Variants in SYNJ2BP observed in about 807,000 individuals in gnomAD.
The protein encoded by SYNJ2BP is synaptojanin 2 binding protein.
SYNJ2BP carries 10 observed loss-of-function variants against 16.9 expected under a neutral mutation model. The observed-to-expected ratio is 0.59, with a 90% CI of 0.36 to 1.00. SYNJ2BP has a LOEUF of 1.00. SYNJ2BP is among the 50% of genes least tolerant of loss of function. SYNJ2BP has a pLI of 0.01. For synonymous variants in SYNJ2BP, 54 were observed against 68.4 expected, an observed-to-expected ratio of 0.79 and a Z score of 1.04; for missense variants, 162 against 186.7, an observed-to-expected ratio of 0.87 and a Z score of 0.77.
intron 2 of SYNJ2BP, among the ~76,000 whole-genome samples, chr14:70,384,937 T>A (rs544423790): frequency 8.5e-5 from 13 of 152,188 alleles, no homozygotes; most frequent in African/African-American, 3.1e-4. Context: ...GCCCCTGATA[T>A]GTCTTCTATC....
rs1887504149 is a variant in SYNJ2BP, at chr14:70,370,878, A to G, written c.*2113T>C. 1 of 152,198 alleles carries G rather than the reference A, an allele frequency of 6.6e-6. No homozygotes were observed. The highest frequency in any genetic ancestry group is 2.4e-5 in the African/African-American group (1 of 41,436). 9.4% of individuals were successfully genotyped at this position (152,198 alleles called of 1,614,324 possible). A position where few individuals can be genotyped will look rare whatever the true frequency, so the allele number is the denominator to read the frequency against. On this transcript the variant is annotated 3_prime_UTR_variant, in exon 4 of 4. Transcript: ENST00000256366. Reference sequence around the variant, plus strand: ...ACTTTTCTCTTTTGCTGTCTGTAATATAAACATGACCCCTACTTACACTGT... The same window carrying G: ...ACTTTTCTCTTTTGCTGTCTGTAATGTAAACATGACCCCTACTTACACTGT...
chr14:70,388,796 T>G (rs1047041610), intron 1 of SYNJ2BP, among the ~76,000 whole-genome samples, 190 bp from the exon 2 acceptor site: 12 of 152,122 alleles, frequency 7.9e-5, no homozygotes, highest in African/African-American at 2.9e-4. Context: ...GAGTATTGAG[T>G]TGCTCACTCA....
chr14:70,376,575 G>A (rs989507506), intron 2 of SYNJ2BP, among the ~76,000 whole-genome samples: 8 of 152,216 alleles, frequency 5.3e-5, no homozygotes, highest in Non-Finnish European at 1.2e-4. Context: ...ACTTGTCAAT[G>A]TCATCGTTAA....
At chr14:70,389,342 A>G (rs138611450) in intron 1 of SYNJ2BP, among the ~76,000 whole-genome samples, 1 of 148,766 alleles carries the variant, frequency 6.7e-6, no homozygotes, top group Admixed American at 6.7e-5. Context: ...TTTATGTATG[A>G]TAGTGCTTTA....
At chr14:70,385,809 T>A (rs974124024) in intron 2 of SYNJ2BP, among the ~76,000 whole-genome samples, 3 of 152,180 alleles carry the variant, frequency 2.0e-5, no homozygotes, top group Non-Finnish European at 2.9e-5. Context: ...TATAACATAG[T>A]GGTTTAAAAA....
chr14:70,378,313 AC>A (rs34049573), intron 2 of SYNJ2BP, among the ~76,000 whole-genome samples: 117,935 of 151,932 alleles, frequency 0.78, 45,866 homozygotes, highest in East Asian at 0.93. Flanking sequence ...GGATGCCTAC[AC>A]CTGTATACTC....
At chr14:70,379,037 C>T (rs1192574327) in intron 2 of SYNJ2BP, among the ~76,000 whole-genome samples, 1 of 116,070 alleles carries the variant, frequency 8.6e-6, no homozygotes, top group African/African-American at 3.3e-5. Flanking sequence ...ATATTAAAGC[C>T]CTCAAAATCA....
rs1887483917 is a variant in SYNJ2BP, at chr14:70,370,017, C to T, written c.*2974G>A. On this transcript the variant is annotated 3_prime_UTR_variant, in exon 4 of 4. Coordinates refer to ENST00000256366, the MANE Select transcript of SYNJ2BP (RefSeq NM_018373.3). ...CTATAATTTTAGTTTTCTATAGAAT[C>T]AATAATATAATTAGTGTACCTGCTT... 6.6e-6 allele frequency: 1 copy of T among 152,104 alleles called. No homozygotes were observed. Among genetic ancestry groups the T allele is most frequent in the African/African-American group, 2.4e-5 (1 of 41,416 alleles). The allele number at this position is 152,104 out of a possible 1,614,324, so 9.4% of individuals were successfully genotyped here.
chr14:70,376,782 A>G (rs1350716062), intron 2 of SYNJ2BP, among the ~76,000 whole-genome samples: 2 of 152,222 alleles, frequency 1.3e-5, no homozygotes, highest in Non-Finnish European at 2.9e-5. Context: ...TGAAAGAAAG[A>G]TCAAAGTGTC....
In SYNJ2BP at chr14:70,367,924, T is replaced by A. The variant is rs1052395096; in HGVS notation, c.*5067A>T. ...CTCTCTATCTTCGGCACCTAGCACA[T>A]AGTAGGCAGTCATTAGTTATTTGCT... On this transcript the variant is annotated 3_prime_UTR_variant, in exon 4 of 4. Coordinates refer to ENST00000256366, the MANE Select transcript of SYNJ2BP (RefSeq NM_018373.3). 5 of 152,154 alleles carry A rather than the reference T, an allele frequency of 3.3e-5. No homozygotes were observed. Among genetic ancestry groups the A allele is most frequent in the African/African-American group, 1.2e-4 (5 of 41,420 alleles). 9.4% of individuals were successfully genotyped at this position (152,154 alleles called of 1,614,324 possible).
chr14:70,387,848 G>C (rs561592372), intron 2 of SYNJ2BP, among the ~76,000 whole-genome samples: 1 of 145,896 alleles, frequency 6.9e-6, no homozygotes, highest in East Asian at 2.0e-4. Context: ...AAAAAAAAAG[G>C]ATCTTTTCAC....
intron 1 of SYNJ2BP, among the ~76,000 whole-genome samples, chr14:70,395,025 A>G (rs531695650): frequency 1.4e-4 from 22 of 152,320 alleles, no homozygotes; most frequent in African/African-American, 5.3e-4. Context: ...TTTAAGAAAA[A>G]AAGTCTTCTA....
At position 70,368,060 on chromosome 14, in the gene SYNJ2BP, A is replaced by G. The variant is rs1421126977; in HGVS notation, c.*4931T>C. 6.6e-6 allele frequency: 1 copy of G among 151,976 alleles called. No individual in the cohort carries two copies. Among genetic ancestry groups the G allele is most frequent in the Admixed American group, 6.6e-5 (1 of 15,244 alleles). The allele number at this position is 151,976 out of a possible 1,614,324, so 9.4% of individuals were successfully genotyped here. A position where few individuals can be genotyped will look rare whatever the true frequency, so the allele number is the denominator to read the frequency against. On this transcript the variant is annotated 3_prime_UTR_variant, in exon 4 of 4. Coordinates refer to ENST00000256366, the MANE Select transcript of SYNJ2BP (RefSeq NM_018373.3). ...AACTACATGAACTTCACTTCCCCAC[A>G]TACCTGACAGCCTATACACTTCCTT...
chr14:70,373,262 A>T, intron 3 of SYNJ2BP, 131 bp from the exon 4 acceptor site: 2 of 1,192,236 alleles, frequency 1.7e-6, no homozygotes, highest in Non-Finnish European at 2.3e-6. Flanking sequence ...AATACCTAGC[A>T]GAAGGAGTCC....
chr14:70,409,721 C>T (rs1407002891), intron 1 of SYNJ2BP, among the ~76,000 whole-genome samples: 1 of 152,212 alleles, frequency 6.6e-6, no homozygotes, highest in Non-Finnish European at 1.5e-5. Flanking sequence ...TGTGTCCATC[C>T]TCATTCTCTC....
chr14:70,375,188 T>C (rs1332862875), intron 3 of SYNJ2BP, among the ~76,000 whole-genome samples: 2 of 144,856 alleles, frequency 1.4e-5, no homozygotes, highest in South Asian at 2.2e-4. Context: ...GAATTTCTCT[T>C]TTTTTTCTCT....
In SYNJ2BP at chr14:70,369,967, CCT is replaced by C. The variant is rs1887482982; in HGVS notation, c.*3022_*3023del. The C allele has an allele frequency of 6.6e-6, 1 of 152,098 alleles. No individual in the cohort carries two copies. The highest frequency in any genetic ancestry group is 6.5e-5 in the Admixed American group (1 of 15,278). 9.4% of individuals were successfully genotyped at this position (152,098 alleles called of 1,614,324 possible). A position where few individuals can be genotyped will look rare whatever the true frequency, so the allele number is the denominator to read the frequency against. The stretch of plus-strand genomic sequence containing the variant: ...ATGAAGAACATGAATTTTTTTACAA[CCT>C]ATAATGGATCCTGATACCTCATCTA... On this transcript the variant is annotated 3_prime_UTR_variant, in exon 4 of 4. Transcript: ENST00000256366.
intron 2 of SYNJ2BP, among the ~76,000 whole-genome samples, chr14:70,387,583 G>A (rs1331233820): frequency 6.6e-6 from 1 of 152,130 alleles, no homozygotes. Flanking sequence ...TGTAATCCCA[G>A]CACTTTGGGA....
At chr14:70,412,063 T>C (rs1488900516) in intron 1 of SYNJ2BP, among the ~76,000 whole-genome samples, 2 of 152,178 alleles carry the variant, frequency 1.3e-5, no homozygotes, top group Non-Finnish European at 2.9e-5. Flanking sequence ...CTATGACAGG[T>C]CTACAAGGCT....
Sources: allele counts gnomAD v4.1 joint callset (sites outside exome capture counted in the v4.1 genomes callset), GRCh38; gene constraint gnomAD v4.1.1; transcripts MANE v1.5; gene names NCBI Gene and HGNC (gene_info 2026-07-23, HGNC 2026-07-21).